FCRL3: variants seen among roughly 807,000 people sequenced by gnomAD.
FCRL3 encodes Fc receptor-like protein 3.
A neutral mutation model predicts 75.0 loss-of-function variants in FCRL3; 89 were observed. The observed-to-expected ratio is 1.19, with a 90% CI of 1.00 to 1.42. The LOEUF is 1.42. FCRL3 is among the 40% of genes most tolerant of loss of function. The pLI, the probability that FCRL3 is intolerant of heterozygous loss-of-function variation, is 0.00. For synonymous variants in FCRL3, 376 were observed against 348.5 expected, an observed-to-expected ratio of 1.08 and a Z score of -0.88; for missense variants, 946 against 880.0, an observed-to-expected ratio of 1.07 and a Z score of -0.95.
intron 10 of FCRL3, among the ~76,000 whole-genome samples, chr1:157,684,355 C>G (rs898939280): frequency 6.6e-6 from 1 of 152,136 alleles, no homozygotes; most frequent in African/African-American, 2.4e-5. Context: ...AGCCTTGACT[C>G]TCATGAAAAA....
At chr1:157,683,312 A>G in intron 10 of FCRL3, 68 bp from the exon 11 acceptor site, 1 of 1,567,180 alleles carries the variant, frequency 6.4e-7, no homozygotes, top group Non-Finnish European at 8.7e-7. Flanking sequence ...CTGTTAGAAC[A>G]TTTTTTCCTA....
intron 9 of FCRL3, 139 bp downstream of exon 9, chr1:157,690,116 C>A: frequency 7.6e-7 from 1 of 1,318,262 alleles, no homozygotes; most frequent in Non-Finnish European, 1.0e-6. Context: ...CATATAAAAT[C>A]AGTACCAATC....
At chr1:157,679,253 C>T (rs1179378893) in intron 13 of FCRL3, 4 of 499,228 alleles carry the variant, frequency 8.0e-6, no homozygotes, top group East Asian at 7.2e-5. Flanking sequence ...CCTCTGCCCA[C>T]CAAATGCCCA....
In FCRL3 at chr1:157,678,979, G is replaced by A; in HGVS notation, c.2027-6C>T. On this transcript the variant is annotated splice_polypyrimidine_tract_variant and splice_region_variant and intron_variant, in intron 13 of 14. Transcript: ENST00000368184. ...ATGCATCATTGGACAATTAGCTGTT[G>A]GGTAGGAGTAGCAAAGAAAAGTATT... is the stretch of plus-strand genomic sequence containing the variant. 1.2e-6 allele frequency: 2 copies of A among 1,614,092 alleles called. No homozygotes were observed. The highest frequency in any genetic ancestry group is 1.7e-6 in the Non-Finnish European group (2 of 1,179,988).
Position 157,681,012 on chromosome 1 carries a change from G to A in FCRL3, c.1926C>T (p.Ala642=), listed in dbSNP as rs769939266. The A allele has an allele frequency of 1.2e-6, 2 of 1,601,308 alleles. No individual in the cohort carries two copies. The highest frequency in any genetic ancestry group is 1.1e-5 in the South Asian group (1 of 88,458). ...TGTACATTGGCTCCAGCTCCATTGG[G>A]GCTAGTGGTTTAGAGTGAGTGGGCT... The part of the protein sequence containing the change: ...PQEPTHSKPL[A]PMELEPMYSN... The change falls in exon 12 of 15, where the codon GCC becomes GCT. Residue 642 remains alanine (A), a synonymous_variant. Transcript: ENST00000368184.
At position 157,689,844 on chromosome 1, in the gene FCRL3, A is replaced by C. The variant is rs1487890762; in HGVS notation, c.1764T>G (p.Ala588=). Residue 588 remains alanine, a synonymous_variant, in exon 10 of 15, where the codon GCT becomes GCG. Transcript: ENST00000368184. ...CGTAATGCAGCAGAGCAGCAGCAGCAGCAAGGACGAGGATGCTGAGCACCA... is the reference window on the plus strand; with the variant it reads ...CGTAATGCAGCAGAGCAGCAGCAGCCGCAAGGACGAGGATGCTGAGCACCA... ...TGLVLSILVL[A]AAAALLHYAR... is the part of the protein sequence containing the mutation. 2 of 1,614,232 alleles carry C rather than the reference A, an allele frequency of 1.2e-6. No homozygotes were observed. Among genetic ancestry groups the C allele is most frequent in the Admixed American group, 3.3e-5 (2 of 60,032 alleles).
At position 157,677,516 on chromosome 1, in the gene FCRL3, G is replaced by A; in HGVS notation, c.*1194C>T. On this transcript the variant is annotated 3_prime_UTR_variant, in exon 15 of 15. Coordinates refer to ENST00000368184, the MANE Select transcript of FCRL3 (RefSeq NM_052939.4). ...GAAACATCAGGATTTCAGAATGGAG[G>A]TGAAGTCACTGAAAATTGTTGGTAC... The A allele has an allele frequency of 1.0e-6, 1 of 985,348 alleles. No individual in the cohort carries two copies. The highest frequency in any genetic ancestry group is 4.7e-5 in the South Asian group (1 of 21,286). The allele number at this position is 985,348 out of a possible 1,614,324, so 61.0% of individuals were successfully genotyped here. A position where few individuals can be genotyped will look rare whatever the true frequency, so the allele number is the denominator to read the frequency against.
rs1187458786 is a variant in FCRL3, at chr1:157,697,796, G to A, written c.422C>T (p.Pro141Leu). ...KVYYKDGKQL[P>L]NSYNLEKITV... ...GATCTTCTCTAAATTATAACTATTA[G>A]GAAGCTGTTTTCCATCCTTGTAGTA... is the stretch of plus-strand genomic sequence containing the variant. The change falls in exon 5 of 15, where the codon CCT becomes CTT. Residue 141 changes from proline to leucine, a missense_variant. Transcript: ENST00000368184. 2.5e-6 allele frequency: 4 copies of A among 1,614,076 alleles called. No homozygotes were observed. The Admixed American group carries it at 6.7e-5, about 27-fold the overall frequency.
chr1:157,680,671 C>T, intron 13 of FCRL3, 31 bp downstream of exon 13: 3 of 1,596,046 alleles, frequency 1.9e-6, no homozygotes, highest in Admixed American at 1.7e-5. Context: ...ACACTGCCAC[C>T]TCACCTCTAT....
Position 157,678,915 on chromosome 1 carries a change from G to A in FCRL3, c.2058+27C>T, listed in dbSNP as rs776539364. ...AATACAGGAGAGGAAGGCCAGAGAGGAAAGAAAGCCAAGAAATGTGACTCA... is the reference window on the plus strand; with the variant it reads ...AATACAGGAGAGGAAGGCCAGAGAGAAAAGAAAGCCAAGAAATGTGACTCA... On this transcript the variant is annotated intron_variant, in intron 14 of 14. Coordinates refer to ENST00000368184, the MANE Select transcript of FCRL3 (RefSeq NM_052939.4). 4.3e-6 allele frequency: 7 copies of A among 1,614,002 alleles called. No homozygotes were observed. The South Asian group carries it at 5.5e-5, about 13-fold the overall frequency.
chr1:157,689,969 G>A (rs1281210789), intron 9 of FCRL3, 52 bp from the exon 10 acceptor site: 2 of 1,606,522 alleles, frequency 1.2e-6, no homozygotes, highest in Admixed American at 1.7e-5. Context: ...TTTGGATACA[G>A]ACAAAATCAT....
chr1:157,700,108 C>CGAAG (rs1656219868), intron 2 of FCRL3, among the ~76,000 whole-genome samples: 1 of 152,178 alleles, frequency 6.6e-6, no homozygotes, highest in Non-Finnish European at 1.5e-5. Context: ...AGTAAACCTT[C>CGAAG]CTTCACGTGC....
Position 157,700,573 on chromosome 1 carries a change from A to G in FCRL3, c.-84T>C. 1 of 1,610,254 alleles carries G rather than the reference A, an allele frequency of 6.2e-7. No individual in the cohort carries two copies. The highest frequency in any genetic ancestry group is 8.5e-7 in the Non-Finnish European group (1 of 1,178,250). On this transcript the variant is annotated 5_prime_UTR_variant, in exon 2 of 15. Coordinates refer to ENST00000368184, the MANE Select transcript of FCRL3 (RefSeq NM_052939.4). The stretch of plus-strand genomic sequence containing the variant: ...CCAAGAAGGAGGGCAGGAAGCTGCT[A>G]CTCAGATGAGACCTGCAAGAATCAG...
intron 13 of FCRL3, chr1:157,679,286 C>T: frequency 2.4e-6 from 1 of 419,412 alleles, no homozygotes; most frequent in South Asian, 2.4e-5. Flanking sequence ...TGACAATTTC[C>T]TTCTTGCTCC....
Position 157,676,741 on chromosome 1 carries a change from G to A in FCRL3, c.*1969C>T. On this transcript the variant is annotated 3_prime_UTR_variant, in exon 15 of 15. Transcript: ENST00000368184. ...GTGTTACAAAGACATGGAAAATCTT[G>A]AACTTTGTTCTTTCTTGGGTTCAGA... The A allele has an allele frequency of 3.9e-6, 6 of 1,550,378 alleles. No individual in the cohort carries two copies. The highest frequency in any genetic ancestry group is 5.2e-6 in the Non-Finnish European group (6 of 1,146,910).
At chr1:157,693,647 C>T (rs1655699744) in intron 8 of FCRL3, among the ~76,000 whole-genome samples, 1 of 152,112 alleles carries the variant, frequency 6.6e-6, no homozygotes, top group Non-Finnish European at 1.5e-5. Flanking sequence ...TATTCTAAAT[C>T]AAAGATTTTA....
intron 10 of FCRL3, among the ~76,000 whole-genome samples, chr1:157,687,132 T>C (rs922707724): frequency 6.6e-6 from 1 of 151,296 alleles, no homozygotes; most frequent in Non-Finnish European, 1.5e-5. Flanking sequence ...GTGAAGGACA[T>C]GAACAGCCAC....
chr1:157,679,713 C>T (rs374890224), intron 13 of FCRL3, among the ~76,000 whole-genome samples: 15 of 151,090 alleles, frequency 9.9e-5, no homozygotes, highest in African/African-American at 2.9e-4. Flanking sequence ...CCTGTAATCC[C>T]GGCTACTTAG....
chr1:157,696,873 T>C (rs1000669885), intron 6 of FCRL3: 4 of 302,228 alleles, frequency 1.3e-5, no homozygotes, highest in South Asian at 1.3e-4. Flanking sequence ...TAGTTGTCTC[T>C]TGATTCATGA....
Sources: gnomAD v4.1 joint callset for allele counts (sites outside exome capture counted in the v4.1 genomes callset) on GRCh38, gnomAD v4.1.1 for gene constraint, MANE v1.5 for transcripts, NCBI Gene and HGNC (gene_info 2026-07-23, HGNC 2026-07-21) for gene names.